DOCK3: variants seen among roughly 807,000 people sequenced by gnomAD.
DOCK3 encodes dedicator of cytokinesis protein 3.
DOCK3 carries 60 observed loss-of-function variants against 265.6 expected under a neutral mutation model. The observed-to-expected ratio is 0.23, with a 90% CI of 0.18 to 0.28. The LOEUF (loss-of-function observed/expected upper bound fraction) is 0.28. DOCK3 is among the 10% of genes least tolerant of loss of function. The pLI is 1.00. For missense variants in DOCK3, 1,981 were observed against 2,594.3 expected (o/e 0.76, Z 5.14); for synonymous variants, 881 against 938.0 (o/e 0.94, Z 1.11).
chr3:51,161,513 G>A (rs1245446431), intron 12 of DOCK3, among the ~76,000 whole-genome samples: 1 of 152,098 alleles, frequency 6.6e-6, no homozygotes, highest in African/African-American at 2.4e-5. Flanking sequence ...ATTTGGGGTG[G>A]GGCCCAGGCA....
chr3:50,681,487 C>T (rs1283376181), intron 1 of DOCK3, among the ~76,000 whole-genome samples: 2 of 152,052 alleles, frequency 1.3e-5, no homozygotes, highest in African/African-American at 4.8e-5. Context: ...ATGAACAAGC[C>T]AAACCTGTTT....
intron 24 of DOCK3, 60 bp downstream of exon 24, chr3:51,271,067 G>A: frequency 2.6e-6 from 4 of 1,514,560 alleles, no homozygotes; most frequent in Non-Finnish European, 3.6e-6. Flanking sequence ...TTCCTTCCAG[G>A]GGTGATAGCA....
At chr3:50,958,332 A>G (rs1336183748) in intron 5 of DOCK3, among the ~76,000 whole-genome samples, 1 of 152,162 alleles carries the variant, frequency 6.6e-6, no homozygotes, top group Non-Finnish European at 1.5e-5. Context: ...TATGATTTCC[A>G]AAGTATGATG....
At chr3:50,873,528 G>A (rs570023915) in intron 3 of DOCK3, among the ~76,000 whole-genome samples, 26 of 152,304 alleles carry the variant, frequency 1.7e-4, no homozygotes, top group African/African-American at 5.8e-4. Flanking sequence ...GGTGATGCCA[G>A]CACTTTCTTA....
chr3:51,199,549 G>A (rs2088568063), intron 12 of DOCK3, among the ~76,000 whole-genome samples: 1 of 152,260 alleles, frequency 6.6e-6, no homozygotes, highest in South Asian at 2.1e-4. Flanking sequence ...CTCCAACTGG[G>A]TGGAGCCCAC....
At chr3:50,975,516 T>C (rs866654768) in intron 5 of DOCK3, among the ~76,000 whole-genome samples, 1 of 151,368 alleles carries the variant, frequency 6.6e-6, no homozygotes, top group Non-Finnish European at 1.5e-5. Context: ...GGATAAGCTT[T>C]TTGATGTGCT....
intron 4 of DOCK3, among the ~76,000 whole-genome samples, chr3:50,897,565 T>A (rs1343063706): frequency 2.0e-5 from 3 of 152,228 alleles, no homozygotes; most frequent in Non-Finnish European, 4.4e-5. Context: ...GTGCCAGTTT[T>A]CAAAAGGAAT....
At chr3:50,781,651 G>C (rs1420457475) in intron 2 of DOCK3, among the ~76,000 whole-genome samples, 1 of 152,024 alleles carries the variant, frequency 6.6e-6, no homozygotes, top group Non-Finnish European at 1.5e-5. Context: ...TTTAGGTTCA[G>C]GGGTACGTGT....
chr3:50,898,971 G>A (rs996940334), intron 4 of DOCK3, among the ~76,000 whole-genome samples: 1 of 152,222 alleles, frequency 6.6e-6, no homozygotes, highest in African/African-American at 2.4e-5. Context: ...GGGATGAAGA[G>A]TTCTGTAGAT....
chr3:50,732,602 T>A (rs897028292), intron 1 of DOCK3, among the ~76,000 whole-genome samples: 1 of 152,120 alleles, frequency 6.6e-6, no homozygotes, highest in African/African-American at 2.4e-5. Flanking sequence ...GTAGAGACAG[T>A]GTCTTCCTGT....
intron 4 of DOCK3, among the ~76,000 whole-genome samples, chr3:50,921,685 G>T (rs1197087255): frequency 1.3e-5 from 2 of 152,254 alleles, no homozygotes; most frequent in East Asian, 3.9e-4. Flanking sequence ...CATCTTGGTG[G>T]TTTTATCTGC....
At chr3:50,918,538 G>T (rs1343797195) in intron 4 of DOCK3, among the ~76,000 whole-genome samples, 1 of 152,026 alleles carries the variant, frequency 6.6e-6, no homozygotes, top group Non-Finnish European at 1.5e-5. Flanking sequence ...TCATGTGTCT[G>T]TTGACTGCAT....
rs943398504 is a variant in DOCK3 at position 51,359,538 on chromosome 3, C to A, written c.4885-973C>A. On this transcript the variant is annotated intron_variant, in intron 46 of 52. Transcript: ENST00000266037. The surrounding 1 kb of genome is among the most constrained non-coding windows in gnomAD (Gnocchi z 4.8). Reference sequence around the variant, plus strand: ...ATTCCACTACCTCTCATTCCAGGGTCTCCTGCCTGTTTGACTGGTCTCTGC... The same window carrying A: ...ATTCCACTACCTCTCATTCCAGGGTATCCTGCCTGTTTGACTGGTCTCTGC... 1.3e-5 allele frequency among the ~76,000 whole-genome samples: 2 copies of A among 152,228 alleles called. No individual in the cohort carries two copies. Among genetic ancestry groups the A allele is most frequent in the Admixed American group, 6.5e-5 (1 of 15,284 alleles).
At chr3:51,306,298 T>C (rs1019381356) in intron 27 of DOCK3, among the ~76,000 whole-genome samples, 19 of 152,198 alleles carry the variant, frequency 1.2e-4, no homozygotes, top group Admixed American at 1.1e-3. Flanking sequence ...CCTTTTCATA[T>C]TATTGAGGGT....
chr3:50,733,325 T>G (rs551489751), intron 1 of DOCK3, among the ~76,000 whole-genome samples: 3 of 152,360 alleles, frequency 2.0e-5, no homozygotes, highest in African/African-American at 7.2e-5. Context: ...AGTGGTGTAT[T>G]AAAGTTCTCT....
At chr3:50,735,542 T>G (rs6779405) in intron 1 of DOCK3, among the ~76,000 whole-genome samples, 4,779 of 152,212 alleles carry the variant, frequency 0.031, 271 homozygotes, top group African/African-American at 0.11. Context: ...TTCACCATGT[T>G]GGCCAGGCTG....
At chr3:50,803,055 T>C (rs2108686377) in intron 2 of DOCK3, among the ~76,000 whole-genome samples, 1 of 150,902 alleles carries the variant, frequency 6.6e-6, no homozygotes, top group East Asian at 1.9e-4. Context: ...TATGTATTTA[T>C]GTATTTATTT....
chr3:51,042,390 A>T (rs970459728), intron 5 of DOCK3, among the ~76,000 whole-genome samples: 1 of 152,234 alleles, frequency 6.6e-6, no homozygotes, highest in Non-Finnish European at 1.5e-5. Context: ...GTATCCCTTC[A>T]TGTTAAAAAC....
chr3:50,963,650 T>C (rs1260045442), intron 5 of DOCK3, among the ~76,000 whole-genome samples: 6 of 152,174 alleles, frequency 3.9e-5, no homozygotes, highest in Non-Finnish European at 8.8e-5. Flanking sequence ...TACTAAATAA[T>C]GGTTTTAAAG....
Sources: allele counts gnomAD v4.1 joint callset (sites outside exome capture counted in the v4.1 genomes callset), GRCh38; gene constraint gnomAD v4.1.1; non-coding constraint Gnocchi (gnomAD v3.1); transcripts MANE v1.5; gene names NCBI Gene and HGNC (gene_info 2026-07-23, HGNC 2026-07-21).